Variants in EYA2 observed in about 807,000 individuals in gnomAD.
EYA2 encodes the protein EYA transcriptional coactivator and phosphatase 2.
A neutral mutation model predicts 69.2 loss-of-function variants in EYA2; 31 were observed. That is an observed-to-expected ratio of 0.45 (90% CI 0.34 to 0.60). EYA2 has a LOEUF of 0.60. EYA2 is among the 20% of genes least tolerant of loss of function. The pLI, the probability that EYA2 is intolerant of heterozygous loss-of-function variation, is 0.02. For synonymous variants in EYA2, 257 were observed against 279.4 expected (o/e 0.92, Z 0.80); for missense variants, 622 against 701.2 (o/e 0.89, Z 1.28).
chr20:46,942,074 T>G (rs1986177725), intron 1 of EYA2, among the ~76,000 whole-genome samples: 1 of 152,218 alleles, frequency 6.6e-6, no homozygotes, highest in South Asian at 2.1e-4. Context: ...GGGTTCTGAA[T>G]TTTACAAAAG....
intron 1 of EYA2, among the ~76,000 whole-genome samples, chr20:46,962,710 A>G (rs1052388210): frequency 1.3e-5 from 2 of 152,082 alleles, no homozygotes; most frequent in African/African-American, 4.8e-5. Context: ...TGCCTTGACT[A>G]CCTTGTCGCA....
intron 9 of EYA2, among the ~76,000 whole-genome samples, chr20:47,128,049 A>G (rs1159407897): frequency 3.9e-5 from 6 of 152,166 alleles, no homozygotes; most frequent in Admixed American, 3.9e-4. Flanking sequence ...TCCTAGGGTG[A>G]CATCCTAGAA....
intron 15 of EYA2, among the ~76,000 whole-genome samples, chr20:47,186,532 G>A (rs975257006): frequency 1.3e-5 from 2 of 151,608 alleles, no homozygotes; most frequent in Non-Finnish European, 2.9e-5. Flanking sequence ...GCTGATTCTT[G>A]TATTTTAGTA....
At chr20:47,138,947 A>T (rs2033536443) in intron 9 of EYA2, among the ~76,000 whole-genome samples, 2 of 152,222 alleles carry the variant, frequency 1.3e-5, no homozygotes, top group Non-Finnish European at 2.9e-5. Flanking sequence ...AAACGGTAAT[A>T]ACATACAGTA....
At chr20:46,911,485 G>A (rs188538215) in intron 1 of EYA2, among the ~76,000 whole-genome samples, 28 of 152,312 alleles carry the variant, frequency 1.8e-4, no homozygotes, top group African/African-American at 6.7e-4. Context: ...AAGTGGACTT[G>A]CCAACCATTG....
At chr20:46,929,730 G>A (rs1985585025) in intron 1 of EYA2, among the ~76,000 whole-genome samples, 1 of 152,046 alleles carries the variant, frequency 6.6e-6, no homozygotes, top group Admixed American at 6.6e-5. Flanking sequence ...ACTGAGGCTG[G>A]GTGCGGTGGC....
chr20:47,097,477 G>A lies in EYA2; in HGVS notation c.888+309G>A, dbSNP rs2032285697. ...TCCTAAGACAGTGGGCTATGGTGCA[G>A]CCAAAGCCAGTAATTCTAGCTAGAA... On this transcript the variant is annotated intron_variant, in intron 9 of 15. Transcript: ENST00000327619. Among the ~76,000 whole-genome samples the A allele has an allele frequency of 3.9e-5, 6 of 152,336 alleles. No individual in the cohort carries two copies. The Middle Eastern group carries it at 0.014, about 345-fold the overall frequency.
chr20:46,914,296 A>G (rs1442220700), intron 1 of EYA2, among the ~76,000 whole-genome samples: 2 of 152,082 alleles, frequency 1.3e-5, no homozygotes, highest in African/African-American at 4.8e-5. Flanking sequence ...AAAGGCTTTG[A>G]TTTTTCTGTG....
intron 12 of EYA2, among the ~76,000 whole-genome samples, chr20:47,173,893 C>T (rs2034378736): frequency 6.6e-6 from 1 of 152,174 alleles, no homozygotes; most frequent in East Asian, 1.9e-4. Flanking sequence ...TCATAAAGAT[C>T]CCTGGGGAAT....
intron 1 of EYA2, among the ~76,000 whole-genome samples, chr20:46,954,380 G>T (rs953850830): frequency 2.6e-5 from 4 of 152,104 alleles, no homozygotes; most frequent in African/African-American, 9.7e-5. Flanking sequence ...GAAGGAAGGG[G>T]GGCAAATAAG....
At chr20:47,032,217 A>G (rs1327090787) in intron 5 of EYA2, among the ~76,000 whole-genome samples, 1 of 152,148 alleles carries the variant, frequency 6.6e-6, no homozygotes, top group Non-Finnish European at 1.5e-5. Context: ...TAAAGCGGGG[A>G]CCAGAGTCCA....
Position 47,167,896 on chromosome 20 carries a change from G to A in EYA2, c.979-1243G>A, listed in dbSNP as rs558881231. On this transcript the variant is annotated intron_variant, in intron 10 of 15. Transcript: ENST00000327619. ...CGTTATTCGGCCCAGCACAGTCAGGGATGGCTCAGCTTCAGTCCTGACTGG... is the reference window on the plus strand; with the variant it reads ...CGTTATTCGGCCCAGCACAGTCAGGAATGGCTCAGCTTCAGTCCTGACTGG... Among the ~76,000 whole-genome samples, 7 of 152,290 alleles carry A rather than the reference G, an allele frequency of 4.6e-5. No individual in the cohort carries two copies. In the South Asian group the frequency reaches 1.5e-3, roughly 32 times the overall value.
At chr20:46,912,453 C>T (rs1204487485) in intron 1 of EYA2, among the ~76,000 whole-genome samples, 2 of 152,190 alleles carry the variant, frequency 1.3e-5, no homozygotes, top group African/African-American at 4.8e-5. Context: ...CCATTCAACA[C>T]ATATTTATTG....
intron 9 of EYA2, chr20:47,117,381 GA>G (rs2032927829): frequency 1.0e-6 from 1 of 985,278 alleles, no homozygotes; most frequent in Non-Finnish European, 1.2e-6. Context: ...ATGGAGCCCC[GA>G]ATTCACCTGG....
chr20:47,147,054 C>CTTTTT (rs57767869), intron 10 of EYA2, among the ~76,000 whole-genome samples: 1 of 112,902 alleles, frequency 8.9e-6, no homozygotes, highest in Non-Finnish European at 1.8e-5. Context: ...GCTCCTCTGA[C>CTTTTT]TTTTTTTTTT....
chr20:46,979,774 T>G (rs529324814), intron 1 of EYA2: 1 of 152,214 alleles, frequency 6.6e-6, no homozygotes, highest in East Asian at 1.9e-4. Context: ...AGTGTCTACC[T>G]GGAATGAAAC....
At chr20:47,055,576 G>A (rs550323996) in intron 5 of EYA2, among the ~76,000 whole-genome samples, 11 of 152,046 alleles carry the variant, frequency 7.2e-5, no homozygotes, top group African/African-American at 2.2e-4. Context: ...ACCTCCTCTC[G>A]CACACTTGCC....
In EYA2 at chr20:46,987,916, GTCTCTCTCTCTCTC is replaced by G. The variant is rs1555809755; in HGVS notation, c.-10-2049_-10-2036del. ...TACTCCAGCCTGGAAGACAGAGTAAGTCTCTCTCTCTCTCTCTCTCTCTCTCTCTCTCTCTCTCT... is the reference window on the plus strand; with the variant it reads ...TACTCCAGCCTGGAAGACAGAGTAAGTCTCTCTCTCTCTCTCTCTCTCTCT... On this transcript the variant is annotated intron_variant, in intron 1 of 15. Coordinates refer to ENST00000327619, the MANE Select transcript of EYA2 (RefSeq NM_005244.5). 1.8e-3 allele frequency among the ~76,000 whole-genome samples: 37 copies of G among 20,370 alleles called. 5 individuals are homozygous for G. The highest frequency in any genetic ancestry group is 4.1e-3 in the Admixed American group (6 of 1,454). The allele number at this position is 20,370 out of a possible 152,430, so 13.4% of individuals were successfully genotyped here. A position where few individuals can be genotyped will look rare whatever the true frequency, so the allele number is the denominator to read the frequency against.
rs1442036452 is a variant in EYA2, at chr20:47,074,229, C to A, written c.555C>A (p.Pro185=). ...ATTACGGCTCATCCTACAACCCTCC[C>A]TACGTCCCGGCCAGCAGCATCTGCC... ...PQYYGSSYNP[P]YVPASSICPS... Residue 185 remains proline (P), a synonymous_variant, in exon 7 of 16, where the codon CCC becomes CCA. Transcript: ENST00000327619. The A allele has an allele frequency of 1.2e-6, 2 of 1,614,002 alleles. No individual in the cohort carries two copies. Among genetic ancestry groups the A allele is most frequent in the Admixed American group, 1.7e-5 (1 of 60,002 alleles).
Sources: gnomAD v4.1 joint callset for allele counts (sites outside exome capture counted in the v4.1 genomes callset) on GRCh38, gnomAD v4.1.1 for gene constraint, MANE v1.5 for transcripts, NCBI Gene and HGNC (gene_info 2026-07-23, HGNC 2026-07-21) for gene names.